Variants in PBX1 observed in about 807,000 individuals in gnomAD.
PBX1 encodes pre-B-cell leukemia transcription factor 1.
Under a neutral mutation model 53.4 loss-of-function variants are expected in PBX1, and 6 were observed. That is an observed-to-expected ratio of 0.11 (90% CI 0.06 to 0.22). The LOEUF is 0.22. Ranked by LOEUF, PBX1 falls within the 10% of genes least tolerant of loss-of-function variation. The pLI is 1.00. For missense variants in PBX1, 251 were observed against 551.4 expected, an observed-to-expected ratio of 0.46 and a Z score of 5.46; for synonymous variants, 204 against 212.3, an observed-to-expected ratio of 0.96 and a Z score of 0.34.
intron 2 of PBX1, among the ~76,000 whole-genome samples, chr1:164,711,547 G>A (rs1486778103): frequency 6.6e-6 from 1 of 152,234 alleles, no homozygotes; most frequent in African/African-American, 2.4e-5. Context: ...ACAGGCGTGA[G>A]CCACTGCGCC....
chr1:164,843,229 A>G (rs1671389620), intron 8 of PBX1, among the ~76,000 whole-genome samples: 1 of 152,142 alleles, frequency 6.6e-6, no homozygotes, highest in African/African-American at 2.4e-5. Context: ...CAAATAATAT[A>G]CCGTCCTATA....
intron 4 of PBX1, among the ~76,000 whole-genome samples, chr1:164,802,387 T>C (rs1669122900): frequency 1.3e-5 from 2 of 152,194 alleles, no homozygotes; most frequent in Admixed American, 6.5e-5. Flanking sequence ...TCGTTCTGGT[T>C]GTTGGCAGAA....
At chr1:164,679,489 A>T (rs1661626865) in intron 2 of PBX1, among the ~76,000 whole-genome samples, 1 of 152,160 alleles carries the variant, frequency 6.6e-6, no homozygotes, top group African/African-American at 2.4e-5. Flanking sequence ...GACACAGTGT[A>T]TGCAATCCTG....
At chr1:164,788,574 AT>A in intron 2 of PBX1, among the ~76,000 whole-genome samples, 1 of 152,046 alleles carries the variant, frequency 6.6e-6, no homozygotes, top group East Asian at 1.9e-4. Context: ...CCAGAACTGA[AT>A]TTTCTATGCA....
At chr1:164,581,061 G>T (rs572169963) in intron 2 of PBX1, among the ~76,000 whole-genome samples, 7 of 152,200 alleles carry the variant, frequency 4.6e-5, no homozygotes, top group African/African-American at 1.7e-4. Flanking sequence ...TGTGCCCATT[G>T]TCCTATCACA....
intron 8 of PBX1, among the ~76,000 whole-genome samples, chr1:164,822,114 G>A (rs528196349): frequency 1.4e-4 from 21 of 152,204 alleles, no homozygotes; most frequent in African/African-American, 5.1e-4. Context: ...GGGGAGGGAT[G>A]CAGACCATCT....
chr1:164,775,179 T>A (rs1353187650), intron 2 of PBX1, among the ~76,000 whole-genome samples: 2 of 152,122 alleles, frequency 1.3e-5, no homozygotes, highest in Non-Finnish European at 2.9e-5. Context: ...GGTGGCTAAA[T>A]ATTTACTTTT....
At position 164,802,245 on chromosome 1, in the gene PBX1, C is replaced by T. The variant is rs376591429; in HGVS notation, c.701+2356C>T. Among the ~76,000 whole-genome samples, 9 of 152,356 alleles carry T rather than the reference C, an allele frequency of 5.9e-5. No homozygotes were observed. In the South Asian group the frequency reaches 1.7e-3, roughly 28 times the overall value. On this transcript the variant is annotated intron_variant, in intron 4 of 8. Coordinates refer to ENST00000420696, the MANE Select transcript of PBX1 (RefSeq NM_002585.4). ...GCTTAAAACAACACAAGTTTATTAT[C>T]GCACAGTTTCTGTTGGTCAGGGGCC... is the stretch of plus-strand genomic sequence containing the variant.
chr1:164,829,276 T>C (rs1319314698), intron 8 of PBX1: 1 of 152,242 alleles, frequency 6.6e-6, no homozygotes, highest in Non-Finnish European at 1.5e-5. Context: ...CATATAATCA[T>C]ACTCCTATCA....
intron 2 of PBX1, among the ~76,000 whole-genome samples, chr1:164,765,811 TG>T (rs1205362544): frequency 6.6e-6 from 1 of 152,204 alleles, no homozygotes; most frequent in African/African-American, 2.4e-5. Context: ...CTTGTGTCAC[TG>T]TGAGTCAGAT....
intron 2 of PBX1, among the ~76,000 whole-genome samples, chr1:164,655,797 A>G (rs1186837713): frequency 6.6e-6 from 1 of 152,210 alleles, no homozygotes; most frequent in African/African-American, 2.4e-5. Flanking sequence ...ATCTCAGTGA[A>G]TAGGATTTTA....
rs988822105 is a variant in PBX1, at chr1:164,849,133, C to G, written c.*2457C>G. Reference sequence around the variant, plus strand: ...CATTTGCTTGACTTAGGGCAAAGTACGAAAGAGAGACAAAAGGGTTCTCTT... The same window carrying G: ...CATTTGCTTGACTTAGGGCAAAGTAGGAAAGAGAGACAAAAGGGTTCTCTT... On this transcript the variant is annotated 3_prime_UTR_variant, in exon 9 of 9. Coordinates refer to ENST00000420696, the MANE Select transcript of PBX1 (RefSeq NM_002585.4). 2 of 1,378,866 alleles carry G rather than the reference C, an allele frequency of 1.5e-6. No homozygotes were observed. Among genetic ancestry groups the G allele is most frequent in the South Asian group, 1.7e-5 (1 of 57,668 alleles). The allele number at this position is 1,378,866 out of a possible 1,614,324, so 85.4% of individuals were successfully genotyped here. A position where few individuals can be genotyped will look rare whatever the true frequency, so the allele number is the denominator to read the frequency against.
chr1:164,749,817 C>A (rs1666098689), intron 2 of PBX1, among the ~76,000 whole-genome samples: 1 of 152,092 alleles, frequency 6.6e-6, no homozygotes, highest in African/African-American at 2.4e-5. Flanking sequence ...ATGGTGATTA[C>A]CAGCATCTGA....
chr1:164,674,707 G>A (rs1311620266), intron 2 of PBX1: 1 of 152,102 alleles, frequency 6.6e-6, no homozygotes, highest in East Asian at 1.9e-4. Context: ...AGCTTCAGGG[G>A]AGCAAAACTA....
At chr1:164,724,827 A>G (rs995489252) in intron 2 of PBX1, among the ~76,000 whole-genome samples, 7 of 151,932 alleles carry the variant, frequency 4.6e-5, no homozygotes, top group African/African-American at 7.3e-5. Context: ...CTTTCAGGCA[A>G]ATATGCAGCA....
At chr1:164,797,354 T>C (rs1668839686) in intron 3 of PBX1, among the ~76,000 whole-genome samples, 1 of 152,184 alleles carries the variant, frequency 6.6e-6, no homozygotes, top group African/African-American at 2.4e-5. Context: ...AGGTTGTTTC[T>C]CTAGAAAGGT....
At chr1:164,577,963 A>T (rs1229168308) in intron 2 of PBX1, among the ~76,000 whole-genome samples, 2 of 152,200 alleles carry the variant, frequency 1.3e-5, no homozygotes, top group African/African-American at 4.8e-5. Flanking sequence ...TAAGCATAGC[A>T]ATAATAATAT....
intron 2 of PBX1, among the ~76,000 whole-genome samples, chr1:164,878,056 G>T (rs1628133): frequency 1 from 152,008 of 152,344 alleles, 75,836 homozygotes; most frequent in Non-Finnish European, 1. Context: ...GTTGTATTTT[G>T]TCTTTGTTTT....
intron 2 of PBX1, among the ~76,000 whole-genome samples, chr1:164,869,498 A>G (rs1045207557): frequency 6.6e-6 from 1 of 152,150 alleles, no homozygotes; most frequent in African/African-American, 2.4e-5. Context: ...CTTCTGGGCC[A>G]TGGGTTTCAT....
Sources: allele counts gnomAD v4.1 joint callset (sites outside exome capture counted in the v4.1 genomes callset), GRCh38; gene constraint gnomAD v4.1.1; transcripts MANE v1.5; gene names NCBI Gene and HGNC (gene_info 2026-07-23, HGNC 2026-07-21).